The following MTCL1 variants were observed in gnomAD, a reference collection of about 807,000 sequenced individuals.
MTCL1 encodes microtubule crosslinking factor 1, also known as microtubule cross-linking factor 1.
MTCL1 carries 79 observed loss-of-function variants against 141.4 expected under a neutral mutation model. The ratio of observed to expected loss-of-function variants is 0.56; its 90% CI spans 0.47 to 0.67. The LOEUF is 0.67. Among genes scored for constraint, MTCL1 ranks in the 30% least tolerant of loss-of-function variants. The probability of loss-of-function intolerance (pLI) is 0.00; values close to 1 mark genes in which losing one functional copy is unlikely to be tolerated. For synonymous variants in MTCL1, 914 were observed against 875.8 expected, an observed-to-expected ratio of 1.04 and a Z score of -0.77; for missense variants, 2,177 against 2,113.9, an observed-to-expected ratio of 1.03 and a Z score of -0.59.
At chr18:8,806,469 CAG>C (rs1259453065) in intron 10 of MTCL1, among the ~76,000 whole-genome samples, 1 of 152,162 alleles carries the variant, frequency 6.6e-6, no homozygotes, top group South Asian at 2.1e-4. Flanking sequence ...CAGCCCAACT[CAG>C]TGTTCTGGAC....
intron 4 of MTCL1, among the ~76,000 whole-genome samples, chr18:8,761,647 T>C (rs942759127): frequency 1.3e-5 from 2 of 152,266 alleles, no homozygotes; most frequent in African/African-American, 4.8e-5. Context: ...ACAGCTTTAA[T>C]GGACCTACAG....
chr18:8,729,139 G>C (rs1300196294), intron 4 of MTCL1, among the ~76,000 whole-genome samples: 1 of 151,946 alleles, frequency 6.6e-6, no homozygotes, highest in Non-Finnish European at 1.5e-5. Flanking sequence ...GACCTCCTTG[G>C]GCTCAAGCAG....
chr18:8,752,816 C>G (rs1242511522), intron 4 of MTCL1, among the ~76,000 whole-genome samples: 2 of 152,160 alleles, frequency 1.3e-5, no homozygotes, highest in Middle Eastern at 3.2e-3. Context: ...ATATCCCCTG[C>G]CTCCAAGAGG....
intron 4 of MTCL1, among the ~76,000 whole-genome samples, chr18:8,751,939 GCACTTT>G (rs1462896239): frequency 6.6e-6 from 1 of 152,206 alleles, no homozygotes; most frequent in East Asian, 1.9e-4. Context: ...GCTGCAGACT[GCACTTT>G]CACTTGAATG....
At chr18:8,758,381 C>T (rs192209433) in intron 4 of MTCL1, among the ~76,000 whole-genome samples, 51 of 152,314 alleles carry the variant, frequency 3.3e-4, no homozygotes, top group African/African-American at 1.1e-3. Flanking sequence ...GAGATCTTTC[C>T]ACTCATCTAG....
chr18:8,761,137 C>T (rs573965429), intron 4 of MTCL1, among the ~76,000 whole-genome samples: 146 of 152,176 alleles, frequency 9.6e-4, no homozygotes, highest in African/African-American at 3.3e-3. Context: ...AGATTAAAGG[C>T]AGTACTCGCC....
At chr18:8,736,876 G>A (rs745988878) in intron 4 of MTCL1, among the ~76,000 whole-genome samples, 4 of 152,028 alleles carry the variant, frequency 2.6e-5, no homozygotes, top group Non-Finnish European at 5.9e-5. Flanking sequence ...TCCTGACCTC[G>A]TGATCTGCCC....
chr18:8,778,356 T>C (rs1209994193), intron 5 of MTCL1, among the ~76,000 whole-genome samples: 1 of 152,234 alleles, frequency 6.6e-6, no homozygotes, highest in African/African-American at 2.4e-5. Context: ...CTCAGCCTTT[T>C]CTAGATGCAC....
rs768285261 is a variant in MTCL1, at chr18:8,784,674, C to G, written c.1562C>G (p.Ala521Gly). 7 of 1,614,170 alleles carry G rather than the reference C, an allele frequency of 4.3e-6. No individual in the cohort carries two copies. In the Admixed American group the frequency reaches 8.3e-5, roughly 19 times the overall value. Residue 521 changes from alanine to glycine, a missense_variant, in exon 6 of 17, where the codon GCT (alanine) becomes GGT (glycine). Physicochemically the swap from Ala to Gly is moderately conservative, Grantham distance 60. Coordinates refer to ENST00000359865, the Ensembl canonical transcript of MTCL1. ...GGGACCATCAACGCCAAGATGAAGGCTTTCAAGAAAGAGCTGCAGGCCTTC... is the reference window on the plus strand; with the variant it reads ...GGGACCATCAACGCCAAGATGAAGGGTTTCAAGAAAGAGCTGCAGGCCTTC...
At chr18:8,713,891 C>T (rs1305445190), upstream of MTCL1, among the ~76,000 whole-genome samples, 1 of 152,182 alleles carries the variant, frequency 6.6e-6, no homozygotes, top group Non-Finnish European at 1.5e-5. Flanking sequence ...GGCAGTGAGC[C>T]ATGGCTGCAC....
chr18:8,823,990 C>G (rs2076930662), intron 14 of MTCL1, among the ~76,000 whole-genome samples: 1 of 152,206 alleles, frequency 6.6e-6, no homozygotes, highest in Admixed American at 6.5e-5. Flanking sequence ...CTGTAAGAAT[C>G]TGGACAGTGA....
At chr18:8,768,030 A>G (rs566587716) in intron 4 of MTCL1, among the ~76,000 whole-genome samples, 31 of 152,348 alleles carry the variant, frequency 2.0e-4, no homozygotes, top group South Asian at 1.2e-3. Context: ...GCTACACAAT[A>G]TTATATTAAC....
At chr18:8,788,655 C>T (rs926056310) in intron 7 of MTCL1, among the ~76,000 whole-genome samples, 41 of 152,172 alleles carry the variant, frequency 2.7e-4, no homozygotes, top group Non-Finnish European at 3.1e-4. Flanking sequence ...CACATGTTAG[C>T]AGATTGCAAA....
intron 4 of MTCL1, among the ~76,000 whole-genome samples, chr18:8,758,020 CTT>C (rs1162855433): frequency 0.02 from 2,534 of 126,816 alleles, 63 homozygotes; most frequent in African/African-American, 0.068. Context: ...AGCACCCAGT[CTT>C]TTTTTTTTTT....
exon 15 of MTCL1, chr18:8,825,284 T>A (rs1248264760): frequency 6.4e-7 from 1 of 1,558,132 alleles, no homozygotes; most frequent in African/African-American, 1.4e-5. Flanking sequence ...GCCCCCTTGA[T>A]AGTCCCCTCT....
At chr18:8,804,920 G>A (rs889229515) in intron 10 of MTCL1, among the ~76,000 whole-genome samples, 1 of 151,156 alleles carries the variant, frequency 6.6e-6, no homozygotes, top group Non-Finnish European at 1.5e-5. Context: ...GAGCCCAGGA[G>A]GTTGAGGCTG....
At chr18:8,813,017 C>A in exon 12 of MTCL1, 1 of 1,614,030 alleles carries the variant, frequency 6.2e-7, no homozygotes, top group African/African-American at 1.3e-5. Context: ...GAGAACTAGG[C>A]TCCTCCGCTG....
At chr18:8,735,458 G>T (rs1394727444) in intron 4 of MTCL1, among the ~76,000 whole-genome samples, 1 of 152,136 alleles carries the variant, frequency 6.6e-6, no homozygotes, top group African/African-American at 2.4e-5. Flanking sequence ...AATGTGGGTG[G>T]TCTCTGACCT....
In MTCL1 at chr18:8,783,957, A is replaced by G. The variant is rs1228939506; in HGVS notation, c.845A>G (p.Glu282Gly). 1.2e-6 allele frequency: 2 copies of G among 1,613,622 alleles called. No individual in the cohort carries two copies. Among genetic ancestry groups the G allele is most frequent in the East Asian group, 2.2e-5 (1 of 44,862 alleles). ...CTCCGCCGCCACCTGCAGTTTGTAG[A>G]AGAGGAAGCGGAGTTGCTCCGGAGG... Residue 282 changes from glutamate (E) to glycine (G), a missense_variant, in exon 6 of 17, where the codon GAA (glutamate) becomes GGA (glycine). Glu to Gly is a moderately conservative substitution (Grantham distance 98). Coordinates refer to ENST00000359865, the Ensembl canonical transcript of MTCL1.
Sources: allele counts gnomAD v4.1 joint callset (sites outside exome capture counted in the v4.1 genomes callset), GRCh38; gene constraint gnomAD v4.1.1; transcripts MANE v1.5; gene names NCBI Gene and HGNC (gene_info 2026-07-23, HGNC 2026-07-21).